Variants in PLEC observed in about 807,000 individuals in gnomAD.
The protein encoded by PLEC is plectin, also known as hemidesmosomal protein 1.
A neutral mutation model predicts 392.8 loss-of-function variants in PLEC; 216 were observed. The observed-to-expected ratio is 0.55, with a 90% confidence interval of 0.49 to 0.62. The LOEUF is 0.62. Ranked by LOEUF, PLEC falls within the 20% of genes least tolerant of loss-of-function variation. The pLI, the probability that PLEC is intolerant of heterozygous loss-of-function variation, is 0.00. For missense variants in PLEC, 6,863 were observed against 6,563.4 expected (o/e 1.05, Z -1.58); for synonymous variants, 3,621 against 2,980.6 (o/e 1.21, Z -7.00).
Position 143,916,271 on chromosome 8 carries a change from A to G in PLEC, c.13550T>C (p.Phe4517Ser), listed in dbSNP as rs1820487525. The change falls in exon 32 of 32, where the codon TTC (phenylalanine) becomes TCC (serine). Residue 4517 changes from phenylalanine (F) to serine (S), a missense_variant. Transcript: ENST00000345136. ...CGAGGAGGAGTAGGAGGATGAAGAG[A>G]AGGTCATGGAGAAGCCGGAGCCGGT... is the stretch of plus-strand genomic sequence containing the variant. ...DATGSGFSMT[F>S]SSSSYSSSGY... 6.4e-7 allele frequency: 1 copy of G among 1,555,204 alleles called. No homozygotes were observed. The highest frequency in any genetic ancestry group is 1.4e-5 in the African/African-American group (1 of 73,158).
chr8:143,950,820 G>C lies in PLEC; in HGVS notation c.-114C>G, dbSNP rs918682777. Reference sequence around the variant, plus strand: ...GCTACAGGGTGTGACAGCGGGCAGCGGCAGGGCAGGCGGGCGGGCAGGCAG... The same window carrying C: ...GCTACAGGGTGTGACAGCGGGCAGCCGCAGGGCAGGCGGGCGGGCAGGCAG... On this transcript the variant is annotated 5_prime_UTR_variant, in exon 1 of 32. Coordinates refer to the PLEC transcript ENST00000322810. 6.0e-6 allele frequency: 9 copies of C among 1,496,680 alleles called. No individual in the cohort carries two copies. In the South Asian group the frequency reaches 1.0e-4, roughly 17 times the overall value. 92.7% of individuals were successfully genotyped at this position (1,496,680 alleles called of 1,614,324 possible). A position where few individuals can be genotyped will look rare whatever the true frequency, so the allele number is the denominator to read the frequency against.
intron 6 of PLEC, 47 bp downstream of exon 6, chr8:143,935,801 G>A (rs782818734): frequency 4.8e-5 from 77 of 1,603,480 alleles, no homozygotes; most frequent in Non-Finnish European, 6.3e-5. Context: ...TGGAGGCGCT[G>A]TGGGGGTGCC....
Position 143,950,435 on chromosome 8 carries a change from TCTGGCGGCAGGTGCAGGTA to T in PLEC, c.253_271del (p.Tyr85ArgfsTer17). ...GCGCTGCAGAGAGGCGGGCACGATC[TCTGGCGGCAGGTGCAGGTA>T]CTGGCGGAGGTGGGCGATGCCTTCA... On this transcript the variant is annotated frameshift_variant, in exon 1 of 32. Transcript: ENST00000322810. LOFTEE classifies it high-confidence loss of function. The T allele has an allele frequency of 6.2e-7, 1 of 1,601,834 alleles. No homozygotes were observed. Among genetic ancestry groups the T allele is most frequent in the South Asian group, 1.1e-5 (1 of 89,064 alleles).
In PLEC at chr8:143,920,567, C is replaced by T; in HGVS notation, c.9254G>A (p.Gly3085Asp). Residue 3085 changes from glycine to aspartate, a missense_variant, in exon 32 of 32, where the codon GGC becomes GAC. Transcript: ENST00000345136. Reference protein sequence around the residue: ...RLTVDEAVRAGLVGPEFHEKL... With the variant: ...RLTVDEAVRADLVGPEFHEKL... ...CTCATGAAACTCGGGGCCCACCAGG[C>T]CAGCACGCACTGCCTCGTCCACGGT... 2 of 1,611,290 alleles carry T rather than the reference C, an allele frequency of 1.2e-6. No homozygotes were observed. Among genetic ancestry groups the T allele is most frequent in the Non-Finnish European group, 1.7e-6 (2 of 1,179,846 alleles).
intron 1 of PLEC, among the ~76,000 whole-genome samples, chr8:143,947,699 A>G (rs1831661084): frequency 6.6e-6 from 1 of 152,200 alleles, no homozygotes; most frequent in Non-Finnish European, 1.5e-5. Context: ...GCAGTGAGCC[A>G]AGACTGTGCT....
upstream of PLEC, among the ~76,000 whole-genome samples, chr8:143,952,701 C>A (rs1161156898): frequency 6.6e-6 from 1 of 152,160 alleles, no homozygotes; most frequent in Non-Finnish European, 1.5e-5. Flanking sequence ...ATCCCAAGGC[C>A]TCTTAAAAGC....
chr8:143,917,167 T>G lies in PLEC; in HGVS notation c.12654A>C (p.Ala4218=), dbSNP rs782505089. 16 of 1,611,830 alleles carry G rather than the reference T, an allele frequency of 9.9e-6. No individual in the cohort carries two copies. The South Asian group carries it at 1.5e-4, about 15-fold the overall frequency. ...GCGTGCCGGCGCGGTACTGGTCCAGTGCCGAGCGGTCGATGAGGTTCTTGG... is the reference window on the plus strand; with the variant it reads ...GCGTGCCGGCGCGGTACTGGTCCAGGGCCGAGCGGTCGATGAGGTTCTTGG... ...AIAKNLIDRS[A]LDQYRAGTLS... The change falls in exon 32 of 32, where the codon GCA becomes GCC. Residue 4218 remains alanine (A), a synonymous_variant. Transcript: ENST00000345136.
intron 1 of PLEC, among the ~76,000 whole-genome samples, chr8:143,948,259 G>A (rs1363382478): frequency 2.6e-5 from 4 of 152,254 alleles, no homozygotes; most frequent in Non-Finnish European, 5.9e-5. Flanking sequence ...GGCCATCCTG[G>A]ACCAGCACAG....
rs781960094 is a variant in PLEC, at chr8:143,927,950, G to C, written c.3303C>G (p.Ala1101=). Residue 1101 remains alanine, a synonymous_variant, in exon 26 of 32, where the codon GCC becomes GCG. Transcript: ENST00000345136. ...ISLVIRGTQG[A]EEVLRAHEEQ... is the part of the protein sequence containing the mutation. ...CCTCGTGGGCCCTGAGCACCTCCTC[G>C]GCCCCCTGCGTGCCGCGGATCACCA... is the stretch of plus-strand genomic sequence containing the variant. The C allele has an allele frequency of 6.2e-7, 1 of 1,601,928 alleles. No individual in the cohort carries two copies. The highest frequency in any genetic ancestry group is 8.5e-7 in the Non-Finnish European group (1 of 1,173,214).
Position 143,973,349 on chromosome 8 carries a change from C to G in PLEC, c.70+54G>C, listed in dbSNP as rs1194068292. On this transcript the variant is annotated intron_variant, in intron 1 of 31. Coordinates refer to the PLEC transcript ENST00000356346. This position sits in a 1 kb window ranked among gnomAD's most constrained non-coding sequence, Gnocchi z 5.6. ...CCGCCACCGTGGACGACAAGGTGCT[C>G]GGCGGCTGGGCTGTCAGGAGCGGCC... The G allele has an allele frequency of 4.6e-6, 7 of 1,535,632 alleles. No individual in the cohort carries two copies. Among genetic ancestry groups the G allele is most frequent in the Admixed American group, 2.0e-5 (1 of 51,108 alleles).
upstream of PLEC, among the ~76,000 whole-genome samples, chr8:143,956,140 G>T (rs1468924124): frequency 1.3e-5 from 2 of 152,042 alleles, no homozygotes; most frequent in African/African-American, 4.8e-5. Context: ...TTGAGATGGG[G>T]TTTCACCATG....
In PLEC at chr8:143,934,821, C is replaced by G. The variant is rs577853547; in HGVS notation, c.934G>C (p.Glu312Gln). 6 of 1,611,624 alleles carry G rather than the reference C, an allele frequency of 3.7e-6. No homozygotes were observed. The highest frequency in any genetic ancestry group is 5.1e-6 in the Non-Finnish European group (6 of 1,179,848). Residue 312 changes from glutamate (E) to glutamine (Q), a missense_variant, in exon 9 of 32, where the codon GAG (glutamate) becomes CAG (glutamine). Glu to Gln is a conservative substitution (Grantham distance 29, BLOSUM62 2). Transcript: ENST00000345136. ...FEERRFPSSFEEIEILWSQFL... is the reference protein window; with the variant it reads ...FEERRFPSSFQEIEILWSQFL... ...CACGGCAGGCCCACCTCAATCTCCT[C>G]GAAGCTGGAGGGGAACCTGCGTTCC...
At chr8:143,944,027 C>A (rs575114761), upstream of PLEC, 1 of 1,345,602 alleles carries the variant, frequency 7.4e-7, no homozygotes, top group Non-Finnish European at 1.0e-6. Context: ...CGCAGGACCG[C>A]CCCATACGCG....
chr8:143,958,508 C>T, upstream of PLEC: 1 of 348,522 alleles, frequency 2.9e-6, no homozygotes, highest in Non-Finnish European at 6.0e-6. The surrounding 1 kb of genome is among the most constrained non-coding windows in gnomAD (Gnocchi z 4.9). Flanking sequence ...TCAAACCTGT[C>T]CTGTGCCCAC....
chr8:143,960,278 G>A (rs190653382), intron 1 of PLEC, among the ~76,000 whole-genome samples: 71 of 149,484 alleles, frequency 4.7e-4, no homozygotes, highest in Admixed American at 1.2e-3. Flanking sequence ...GCGAAACTCC[G>A]TCTCAAATAA....
Position 143,919,160 on chromosome 8 carries a change from G to A in PLEC, c.10661C>T (p.Thr3554Ile), listed in dbSNP as rs782017839. 19 of 1,613,432 alleles carry A rather than the reference G, an allele frequency of 1.2e-5. No homozygotes were observed. The highest frequency in any genetic ancestry group is 1.6e-5 in the Non-Finnish European group (19 of 1,180,012). ...CTCCTCCTCAGTGTACACCTGCGTG[G>A]TCTCCACCACCTCAGCCTTCTCCGC... ...KGAEKAEVVE[T>I]TQVYTEEETR... Residue 3554 changes from threonine to isoleucine, a missense_variant, in exon 32 of 32, where the codon ACC (threonine) becomes ATC (isoleucine). By Grantham distance (89) the Thr-to-Ile change is moderately conservative. Coordinates refer to ENST00000345136, the MANE Select transcript of PLEC (RefSeq NM_201384.3).
At position 143,923,474 on chromosome 8, in the gene PLEC, G is replaced by A. The variant is rs200758669; in HGVS notation, c.6455C>T (p.Ala2152Val). Residue 2152 changes from alanine (A) to valine (V), a missense_variant, in exon 31 of 32, where the codon GCG becomes GTG. Coordinates refer to ENST00000345136, the MANE Select transcript of PLEC (RefSeq NM_201384.3). ...AEQEAARRAQ[A>V]EQAALRQKQA... ...CTTCTGCCGCAGGGCCGCCTGCTCC[G>A]CCTGTGCCCGCCGCGCCGCCTCTTG... is the stretch of plus-strand genomic sequence containing the variant. 98 of 1,601,036 alleles carry A rather than the reference G, an allele frequency of 6.1e-5. No homozygotes were observed. The highest frequency in any genetic ancestry group is 7.1e-5 in the Non-Finnish European group (83 of 1,175,534).
rs1824861809 is a variant in PLEC at position 143,925,687 on chromosome 8, C to T, written c.4242G>A (p.Gln1414=). The part of the protein sequence containing the change: ...REEAAVDAQQ[Q]KRSIQEELQQ... ...GCAGCTCCTCCTGAATGCTGCGCTT[C>T]TGCTGCTGCGCGTCCACCGCCGCCT... Residue 1414 remains glutamine, a synonymous_variant, in exon 31 of 32, where the codon CAG becomes CAA. Coordinates refer to ENST00000345136, the MANE Select transcript of PLEC (RefSeq NM_201384.3). 1.3e-6 allele frequency: 2 copies of T among 1,592,084 alleles called. No individual in the cohort carries two copies. The highest frequency in any genetic ancestry group is 1.7e-6 in the Non-Finnish European group (2 of 1,176,644).
rs201462310 is a variant in PLEC, at chr8:143,923,434, C to T, written c.6495G>A (p.Ala2165=). Reference sequence around the variant, plus strand: ...CGAATTTCTTATGCTTCTCCATCTCCGCGTCAGCTGCCTGCTTCTGCCGCA... The same window carrying T: ...CGAATTTCTTATGCTTCTCCATCTCTGCGTCAGCTGCCTGCTTCTGCCGCA... ...AALRQKQAAD[A]EMEKHKKFAE... Residue 2165 remains alanine, a synonymous_variant, in exon 31 of 32, where the codon GCG becomes GCA. Coordinates refer to ENST00000345136, the MANE Select transcript of PLEC (RefSeq NM_201384.3). 104 of 1,609,778 alleles carry T rather than the reference C, an allele frequency of 6.5e-5. No individual in the cohort carries two copies. The African/African-American group carries it at 8.3e-4, about 13-fold the overall frequency.
Sources: gnomAD v4.1 joint callset for allele counts (sites outside exome capture counted in the v4.1 genomes callset) on GRCh38, gnomAD v4.1.1 for gene constraint, Gnocchi (gnomAD v3.1) non-coding constraint, MANE v1.5 for transcripts, NCBI Gene and HGNC (gene_info 2026-07-23, HGNC 2026-07-21) for gene names.